Variants in CEP104 observed in about 807,000 individuals in gnomAD.
CEP104 encodes the protein centrosomal protein of 104 kDa.
CEP104 carries 84 observed loss-of-function variants against 113.3 expected under a neutral mutation model. The ratio of observed to expected loss-of-function variants is 0.74; its 90% CI spans 0.62 to 0.89. The LOEUF is 0.89. Among genes scored for constraint, CEP104 ranks in the 40% least tolerant of loss-of-function variants. CEP104 has a pLI of 0.00. For missense variants in CEP104, 1,053 were observed against 1,156.6 expected, an observed-to-expected ratio of 0.91 and a Z score of 1.30; for synonymous variants, 378 against 421.7, an observed-to-expected ratio of 0.90 and a Z score of 1.27.
At chr1:3,843,317 T>G in intron 6 of CEP104, 1 of 566,808 alleles carries the variant, frequency 1.8e-6, no homozygotes, top group Non-Finnish European at 3.2e-6. Flanking sequence ...CCCCGGTTCT[T>G]ACACTGCTAA....
intron 8 of CEP104, 150 bp from the exon 9 acceptor site, chr1:3,837,669 C>T (rs1201144685): frequency 1.5e-6 from 1 of 660,812 alleles, no homozygotes; most frequent in Non-Finnish European, 2.6e-6. Flanking sequence ...AGAGAAACTT[C>T]CACAGAGTGA....
In CEP104 at chr1:3,823,105, C is replaced by T. The variant is rs555706095; in HGVS notation, c.2571+69G>A. 13 of 1,424,264 alleles carry T rather than the reference C, an allele frequency of 9.1e-6. No homozygotes were observed. In the Admixed American group the frequency reaches 1.8e-4, roughly 20 times the overall value. 88.2% of individuals were successfully genotyped at this position (1,424,264 alleles called of 1,614,324 possible). A position where few individuals can be genotyped will look rare whatever the true frequency, so the allele number is the denominator to read the frequency against. ...CTATGGTCCCGCACTGACACCACCA[C>T]TGTCACCACCACTGCCATCCACAGG... On this transcript the variant is annotated intron_variant, in intron 20 of 21. Coordinates refer to ENST00000378230, the MANE Select transcript of CEP104 (RefSeq NM_014704.4). This position sits in a 1 kb window ranked among gnomAD's most constrained non-coding sequence, Gnocchi z 4.1.
chr1:3,818,789 C>T (rs967713018), intron 20 of CEP104, among the ~76,000 whole-genome samples: 2 of 152,304 alleles, frequency 1.3e-5, no homozygotes, highest in Middle Eastern at 3.4e-3. Context: ...AGCATGTTCA[C>T]GATGCTTAAC....
intron 6 of CEP104, among the ~76,000 whole-genome samples, chr1:3,843,720 A>G (rs2124684295): frequency 6.6e-6 from 1 of 152,150 alleles, no homozygotes; most frequent in East Asian, 1.9e-4. Context: ...GCAGTGAGAA[A>G]AAATATTTTT....
chr1:3,818,457 G>A (rs1354028396), intron 20 of CEP104, among the ~76,000 whole-genome samples: 1 of 152,166 alleles, frequency 6.6e-6, no homozygotes, highest in Non-Finnish European at 1.5e-5. Flanking sequence ...GCCAAGTCCT[G>A]GGTCTGCCTG....
Position 3,812,525 on chromosome 1 carries a change from T to C in CEP104, c.*2877A>G, listed in dbSNP as rs1643812436. 1 of 152,150 alleles carries C rather than the reference T, an allele frequency of 6.6e-6. No individual in the cohort carries two copies. The highest frequency in any genetic ancestry group is 2.4e-5 in the African/African-American group (1 of 41,416). The allele number at this position is 152,150 out of a possible 1,614,324, so 9.4% of individuals were successfully genotyped here. A position where few individuals can be genotyped will look rare whatever the true frequency, so the allele number is the denominator to read the frequency against. ...AAAACTCTCAATAGCCACTAATCAC[T>C]GGTAGGATCATTTCAACAAAAACAC... is the stretch of plus-strand genomic sequence containing the variant. On this transcript the variant is annotated 3_prime_UTR_variant, in exon 22 of 22. Coordinates refer to ENST00000378230, the MANE Select transcript of CEP104 (RefSeq NM_014704.4).
intron 1 of CEP104, among the ~76,000 whole-genome samples, chr1:3,853,912 G>A (rs1311580771): frequency 6.6e-6 from 1 of 152,148 alleles, no homozygotes; most frequent in African/African-American, 2.4e-5. Context: ...CTGGGTAAGA[G>A]AGTGAGACCC....
Position 3,826,361 on chromosome 1 carries a change from G to A in CEP104, c.2255+9C>T, listed in dbSNP as rs200261573. 1.8e-5 allele frequency: 29 copies of A among 1,613,176 alleles called. No homozygotes were observed. Among genetic ancestry groups the A allele is most frequent in the Admixed American group, 5.0e-5 (3 of 59,992 alleles). On this transcript the variant is annotated intron_variant, in intron 17 of 21. Transcript: ENST00000378230. ...CATCGTACAATGGGTGGAAGACAGC[G>A]CGACTTACTTATCTAGATAGTGCTC... is the stretch of plus-strand genomic sequence containing the variant.
intron 16 of CEP104, 25 bp from the exon 17 acceptor site, chr1:3,826,461 T>A (rs747839867): frequency 6.3e-7 from 1 of 1,591,116 alleles, no homozygotes; most frequent in Non-Finnish European, 8.6e-7. Flanking sequence ...ACAATTTAAA[T>A]AACTTTTTAT....
rs76234817 is a variant in CEP104 at position 3,835,024 on chromosome 1, T to C, written c.1386A>G (p.Leu462=). 1.1e-3 allele frequency: 1,790 copies of C among 1,614,034 alleles called. 16 individuals carry two copies. In the African/African-American group the frequency reaches 0.021, roughly 19 times the overall value. The part of the protein sequence containing the change: ...EDALLALSKK[L]MEMPVGTPKE... ...TTGGGGTTCCAACAGGCATTTCCAT[T>C]AACTTCTTAGACAAGGCAAGCAGTG... The change falls in exon 11 of 22, where the codon TTA becomes TTG. Residue 462 remains leucine (L), a synonymous_variant. Transcript: ENST00000378230.
intron 20 of CEP104, among the ~76,000 whole-genome samples, chr1:3,817,081 A>C (rs1643891524): frequency 6.6e-6 from 1 of 152,220 alleles, no homozygotes; most frequent in Non-Finnish European, 1.5e-5. Flanking sequence ...CTGTAATCCC[A>C]ACACTTTGGG....
intron 10 of CEP104, 136 bp from the exon 11 acceptor site, chr1:3,835,228 T>C (rs910215076): frequency 4.5e-5 from 26 of 576,102 alleles, no homozygotes; most frequent in Middle Eastern, 4.7e-4. Flanking sequence ...AAATGATTCA[T>C]TTCTAATAAT....
In CEP104 at chr1:3,812,440, A is replaced by C. The variant is rs78028957; in HGVS notation, c.*2962T>G. The C allele has an allele frequency of 3.7e-4, 57 of 152,364 alleles. No homozygotes were observed. The highest frequency in any genetic ancestry group is 1.4e-3 in the African/African-American group (57 of 41,588). The allele number at this position is 152,364 out of a possible 1,614,324, so 9.4% of individuals were successfully genotyped here. On this transcript the variant is annotated 3_prime_UTR_variant, in exon 22 of 22. Transcript: ENST00000378230. ...TATTTATGAATGACCAAGGGATTTT[A>C]CAGTTCCTTTTTAATTTTTTGTACT...
Position 3,827,478 on chromosome 1 carries a change from C to T in CEP104, c.2152-734G>A, listed in dbSNP as rs189508950. Among the ~76,000 whole-genome samples, 30 of 152,236 alleles carry T rather than the reference C, an allele frequency of 2.0e-4. 1 individual carries two copies. In the East Asian group the frequency reaches 5.4e-3, roughly 28 times the overall value. ...CAAGTGATCCTCCTGCCTCGGCCTC[C>T]CAAAGTGCTGCAATTACAGGCATGA... On this transcript the variant is annotated intron_variant, in intron 15 of 21. Transcript: ENST00000378230.
At chr1:3,815,660 G>A in intron 21 of CEP104, 143 bp from the exon 22 acceptor site, 1 of 585,080 alleles carries the variant, frequency 1.7e-6, no homozygotes, top group Non-Finnish European at 3.0e-6. Flanking sequence ...CCAGGGCTGA[G>A]CCTAGTAGGG....
chr1:3,840,935 T>G (rs1460523944), intron 6 of CEP104, among the ~76,000 whole-genome samples: 1 of 152,224 alleles, frequency 6.6e-6, no homozygotes, highest in African/African-American at 2.4e-5. Context: ...AACCATCATA[T>G]CCTAGAGGAG....
At chr1:3,852,601 G>A (rs891155284) in intron 1 of CEP104, among the ~76,000 whole-genome samples, 180 bp from the exon 2 acceptor site, 12 of 152,122 alleles carry the variant, frequency 7.9e-5, no homozygotes, top group African/African-American at 2.9e-4. Context: ...GATGCTTCTG[G>A]TTCTGCTTAA....
chr1:3,846,997 T>A (rs1017111951), intron 4 of CEP104, among the ~76,000 whole-genome samples: 1 of 152,184 alleles, frequency 6.6e-6, no homozygotes, highest in East Asian at 1.9e-4. Flanking sequence ...ACCAGGGAAT[T>A]TACCTTGTGC....
At chr1:3,846,002 C>T (rs987880779) in intron 4 of CEP104, among the ~76,000 whole-genome samples, 14 of 147,878 alleles carry the variant, frequency 9.5e-5, no homozygotes, top group African/African-American at 3.6e-4. Flanking sequence ...TTGTTTGAAC[C>T]TGTGAGACAG....
Sources: gnomAD v4.1 joint callset for allele counts (sites outside exome capture counted in the v4.1 genomes callset) on GRCh38, gnomAD v4.1.1 for gene constraint, Gnocchi (gnomAD v3.1) non-coding constraint, MANE v1.5 for transcripts, NCBI Gene and HGNC (gene_info 2026-07-23, HGNC 2026-07-21) for gene names.